The following TMED8 variants were observed in gnomAD, a reference collection of about 807,000 sequenced individuals.
TMED8 encodes the protein transmembrane p24 trafficking protein family member 8, also known as protein TMED8.
Under a neutral mutation model 32.7 loss-of-function variants are expected in TMED8, and 15 were observed. That is an observed-to-expected ratio of 0.46 (90% confidence interval 0.31 to 0.71). TMED8 has a LOEUF of 0.71. TMED8 is among the 30% of genes least tolerant of loss of function. The probability of loss-of-function intolerance (pLI) is 0.06; values close to 1 mark genes in which losing one functional copy is unlikely to be tolerated. For synonymous variants in TMED8, 147 were observed against 161.4 expected (o/e 0.91, Z 0.68); for missense variants, 390 against 423.9 (o/e 0.92, Z 0.70).
intron 2 of TMED8, among the ~76,000 whole-genome samples, chr14:77,348,460 T>A (rs1424954762): frequency 6.6e-6 from 1 of 152,164 alleles, no homozygotes; most frequent in Non-Finnish European, 1.5e-5. Context: ...CCTGACCTCG[T>A]GATCCACCCA....
chr14:77,351,411 A>ATTTTTTTTTTTTTT (rs1181134385), intron 2 of TMED8, among the ~76,000 whole-genome samples: 34 of 102,130 alleles, frequency 3.3e-4, no homozygotes, highest in Non-Finnish European at 3.5e-4. Flanking sequence ...CGCCCCGCTA[A>ATTTTTTTTTTTTTT]TTTTTTTTTT....
chr14:77,350,719 G>C (rs1174938306), intron 2 of TMED8, among the ~76,000 whole-genome samples: 3 of 152,162 alleles, frequency 2.0e-5, no homozygotes, highest in African/African-American at 7.2e-5. Flanking sequence ...AGGCTGAGAT[G>C]GGAGGGTTGC....
At chr14:77,344,337 T>G (rs1316180652) in intron 3 of TMED8, among the ~76,000 whole-genome samples, 1 of 152,228 alleles carries the variant, frequency 6.6e-6, no homozygotes, top group Non-Finnish European at 1.5e-5. Flanking sequence ...GAATCTGGTT[T>G]ATAGTCTTTC....
intron 3 of TMED8, among the ~76,000 whole-genome samples, chr14:77,346,018 A>AAATAGAT (rs1342626348): frequency 6.6e-6 from 1 of 151,756 alleles, no homozygotes; most frequent in Non-Finnish European, 1.5e-5. Flanking sequence ...CATAAATACT[A>AAATAGAT]AATAGATCTA....
At chr14:77,364,433 TG>T (rs992692456) in intron 1 of TMED8, among the ~76,000 whole-genome samples, 1 of 152,152 alleles carries the variant, frequency 6.6e-6, no homozygotes, top group Non-Finnish European at 1.5e-5. Flanking sequence ...TCTGTAGAGA[TG>T]GGGTTTCCCT....
intron 1 of TMED8, among the ~76,000 whole-genome samples, chr14:77,370,086 C>T (rs1267325165): frequency 4.0e-5 from 6 of 151,576 alleles, no homozygotes; most frequent in African/African-American, 1.2e-4. Flanking sequence ...GCAGGAGAAT[C>T]GCTTGAACCC....
intron 1 of TMED8, among the ~76,000 whole-genome samples, chr14:77,371,865 A>G (rs1341783109): frequency 3.3e-5 from 5 of 152,196 alleles, no homozygotes; most frequent in African/African-American, 1.2e-4. Context: ...AGACTTTGCA[A>G]ATTTAGATGG....
intron 1 of TMED8, among the ~76,000 whole-genome samples, chr14:77,375,114 G>C (rs1210322474): frequency 6.6e-6 from 1 of 152,100 alleles, no homozygotes; most frequent in African/African-American, 2.4e-5. Flanking sequence ...CTCTGGCACA[G>C]AATAAGCATT....
intron 3 of TMED8, among the ~76,000 whole-genome samples, chr14:77,345,346 G>A (rs1337079785): frequency 6.6e-6 from 1 of 152,186 alleles, no homozygotes; most frequent in African/African-American, 2.4e-5. Flanking sequence ...TTGTTCTCAG[G>A]AGTAAATGAA....
At chr14:77,345,007 G>A (rs780538618) in intron 3 of TMED8, among the ~76,000 whole-genome samples, 45 of 152,118 alleles carry the variant, frequency 3.0e-4, no homozygotes, top group Non-Finnish European at 6.0e-4. Context: ...TTCCTTTTGA[G>A]ACAGAGTTTT....
chr14:77,341,519 A>G lies in TMED8; in HGVS notation c.*252T>C. On this transcript the variant is annotated 3_prime_UTR_variant, in exon 6 of 6. Coordinates refer to ENST00000216468, the MANE Select transcript of TMED8 (RefSeq NM_213601.3). ...GGCTTGTGCCCCATAGGTGCCTTCAAGAGGGAATTTGCTGGAGTCTGAAGC... is the reference window on the plus strand; with the variant it reads ...GGCTTGTGCCCCATAGGTGCCTTCAGGAGGGAATTTGCTGGAGTCTGAAGC... The G allele has an allele frequency of 1.9e-6, 1 of 538,606 alleles. No individual in the cohort carries two copies. Among genetic ancestry groups the G allele is most frequent in the Admixed American group, 3.2e-5 (1 of 31,054 alleles). 33.4% of individuals were successfully genotyped at this position (538,606 alleles called of 1,614,324 possible).
chr14:77,363,932 A>G (rs1269125656), intron 1 of TMED8, among the ~76,000 whole-genome samples: 1 of 152,174 alleles, frequency 6.6e-6, no homozygotes, highest in Non-Finnish European at 1.5e-5. Context: ...ACTGTGCTAC[A>G]ATGCCTTGTG....
intron 1 of TMED8, among the ~76,000 whole-genome samples, chr14:77,352,864 G>A (rs1166868550): frequency 6.6e-6 from 1 of 152,174 alleles, no homozygotes; most frequent in Non-Finnish European, 1.5e-5. Flanking sequence ...AGTATAAAGT[G>A]TCACTTCTAC....
intron 2 of TMED8, among the ~76,000 whole-genome samples, chr14:77,349,230 C>A (rs1330902476): frequency 4.0e-5 from 6 of 148,786 alleles, no homozygotes; most frequent in Non-Finnish European, 8.9e-5. Flanking sequence ...AATTCTCTTG[C>A]CTCAGCCTCC....
At chr14:77,372,948 ATATATTTTTTTTTTTTTTT>A (rs1893726883) in intron 1 of TMED8, among the ~76,000 whole-genome samples, 1 of 18,332 alleles carries the variant, frequency 5.5e-5, no homozygotes, top group Non-Finnish European at 8.4e-5. Context: ...ATATATATAT[ATATATTTTTTTTTTTTTTT>A]TTTTTTTTTT....
At chr14:77,357,953 A>G (rs9323642) in intron 1 of TMED8, among the ~76,000 whole-genome samples, 114,104 of 151,398 alleles carry the variant, frequency 0.75, 44,038 homozygotes, top group African/African-American at 0.94. Context: ...GTGAAACCCC[A>G]TCTCTACTGA....
In TMED8 at chr14:77,343,286, C is replaced by T; in HGVS notation, c.652G>A (p.Gly218Arg). Residue 218 changes from glycine to arginine, a missense_variant, in exon 5 of 6, where the codon GGA becomes AGA. Gly to Arg is a moderately radical substitution (Grantham distance 125, BLOSUM62 -2). Coordinates refer to ENST00000216468, the MANE Select transcript of TMED8 (RefSeq NM_213601.3). ...ACAGGGGTCCAGTCAAAATAAACTC[C>T]AAAGCCAATGTCATAGTCATCGGTC... ...FATDDYDIGF[G>R]VYFDWTPVTS... 1 of 1,614,174 alleles carries T rather than the reference C, an allele frequency of 6.2e-7. No individual in the cohort carries two copies. Among genetic ancestry groups the T allele is most frequent in the Non-Finnish European group, 8.5e-7 (1 of 1,180,034 alleles).
Position 77,364,015 on chromosome 14 carries a change from A to G in TMED8, c.119-12264T>C, listed in dbSNP as rs568677329. On this transcript the variant is annotated intron_variant, in intron 1 of 5. Coordinates refer to ENST00000216468, the MANE Select transcript of TMED8 (RefSeq NM_213601.3). ...GTGGAATTTCTGAACCAAATTCTCC[A>G]CAAGGATCATCTATTTTACATTCAC... is the stretch of plus-strand genomic sequence containing the variant. Among the ~76,000 whole-genome samples, 5 of 152,326 alleles carry G rather than the reference A, an allele frequency of 3.3e-5. No individual in the cohort carries two copies. The East Asian group carries it at 9.6e-4, about 29-fold the overall frequency.
At chr14:77,358,181 T>TCACCCACA (rs1893338605) in intron 1 of TMED8, among the ~76,000 whole-genome samples, 1 of 145,346 alleles carries the variant, frequency 6.9e-6, no homozygotes. Context: ...ATGTAATATA[T>TCACCCACA]CACACACACA....
Sources: allele counts gnomAD v4.1 joint callset (sites outside exome capture counted in the v4.1 genomes callset), GRCh38; gene constraint gnomAD v4.1.1; transcripts MANE v1.5; gene names NCBI Gene and HGNC (gene_info 2026-07-23, HGNC 2026-07-21).